The following DNAH9 variants were observed in gnomAD, a reference collection of about 807,000 sequenced individuals.
The protein encoded by DNAH9 is DNAH9 variant protein.
A neutral mutation model predicts 471.6 loss-of-function variants in DNAH9; 345 were observed. That is an observed-to-expected ratio of 0.73 (90% CI 0.67 to 0.80). The LOEUF is 0.80. DNAH9 is among the 30% of genes least tolerant of loss of function. DNAH9 has a pLI of 0.00. For missense variants in DNAH9, 5,407 were observed against 5,609.2 expected, an observed-to-expected ratio of 0.96 and a Z score of 1.15; for synonymous variants, 2,093 against 2,123.6, an observed-to-expected ratio of 0.99 and a Z score of 0.40.
intron 55 of DNAH9, 90 bp from the exon 56 acceptor site, chr17:11,883,496 G>A: frequency 6.7e-7 from 1 of 1,485,540 alleles, no homozygotes; most frequent in Non-Finnish European, 9.1e-7. Flanking sequence ...CTATCTTTAA[G>A]GCAAGGGACT....
At chr17:11,957,804 G>C (rs1239624341) in intron 67 of DNAH9, among the ~76,000 whole-genome samples, 1 of 152,150 alleles carries the variant, frequency 6.6e-6, no homozygotes, top group African/African-American at 2.4e-5. Flanking sequence ...TCAGTATCTT[G>C]GTTGTGATAT....
intron 68 of DNAH9, among the ~76,000 whole-genome samples, chr17:11,964,360 A>T (rs540966201): frequency 2.6e-5 from 4 of 152,218 alleles, no homozygotes; most frequent in Non-Finnish European, 5.9e-5. Context: ...GCTCAGAAGG[A>T]AAGTCAGTGA....
intron 28 of DNAH9, among the ~76,000 whole-genome samples, chr17:11,735,510 A>T (rs2075332421): frequency 6.6e-6 from 1 of 151,924 alleles, no homozygotes; most frequent in African/African-American, 2.4e-5. Context: ...ATCTCGGCTC[A>T]CTGCCACCTC....
At chr17:11,958,004 G>C (rs528429470) in intron 67 of DNAH9, among the ~76,000 whole-genome samples, 1 of 152,242 alleles carries the variant, frequency 6.6e-6, no homozygotes, top group East Asian at 1.9e-4. Context: ...GCCAAAACTT[G>C]GAAGAAACCA....
At chr17:11,721,277 GTT>G (rs2150804771) in intron 27 of DNAH9, among the ~76,000 whole-genome samples, 1 of 152,010 alleles carries the variant, frequency 6.6e-6, no homozygotes, top group African/African-American at 2.4e-5. Flanking sequence ...TTGTTTTTTT[GTT>G]TTGTTTTTTG....
chr17:11,694,626 CTT>C (rs1445927603), intron 22 of DNAH9, among the ~76,000 whole-genome samples, 179 bp downstream of exon 22: 2 of 4,506 alleles, frequency 4.4e-4, no homozygotes, highest in African/African-American at 5.3e-4. Flanking sequence ...TGCTTTCTTG[CTT>C]TCTTGCTTTC....
rs747650923 is a variant in DNAH9 at position 11,701,141 on chromosome 17, A to T, written c.5045A>T (p.His1682Leu). 1 of 1,614,166 alleles carries T rather than the reference A, an allele frequency of 6.2e-7. No homozygotes were observed. The highest frequency in any genetic ancestry group is 8.5e-7 in the Non-Finnish European group (1 of 1,180,000). Residue 1682 changes from histidine to leucine, a missense_variant, in exon 24 of 69, where the codon CAT (histidine) becomes CTT (leucine). Coordinates refer to ENST00000262442, the MANE Select transcript of DNAH9 (RefSeq NM_001372.4). Reference protein sequence around the residue: ...CSGQVEIWLNHVLGHMKATVR... With the variant: ...CSGQVEIWLNLVLGHMKATVR... ...TTTCAGGTAGAAATATGGCTGAACC[A>T]TGTCCTTGGTCACATGAAGGCCACT...
At chr17:11,662,873 A>C (rs2150718270) in intron 14 of DNAH9, among the ~76,000 whole-genome samples, 1 of 145,542 alleles carries the variant, frequency 6.9e-6, no homozygotes, top group South Asian at 2.2e-4. Flanking sequence ...CTCCTGCCTC[A>C]GCCTCCCAAG....
At chr17:11,909,677 C>CTGTGGGAT (rs1973729534) in intron 61 of DNAH9, among the ~76,000 whole-genome samples, 1 of 152,056 alleles carries the variant, frequency 6.6e-6, no homozygotes, top group African/African-American at 2.4e-5. Flanking sequence ...AATGAACATC[C>CTGTGGGAT]CACAGGTACA....
intron 60 of DNAH9, among the ~76,000 whole-genome samples, chr17:11,904,889 C>T (rs1254662592): frequency 1.3e-5 from 2 of 151,906 alleles, no homozygotes; most frequent in Non-Finnish European, 2.9e-5. Flanking sequence ...ACACTTTGGA[C>T]AGGAACACTG....
At chr17:11,766,165 T>C (rs943179389) in intron 36 of DNAH9, among the ~76,000 whole-genome samples, 1 of 151,932 alleles carries the variant, frequency 6.6e-6, no homozygotes, top group Non-Finnish European at 1.5e-5. Context: ...ACACCAAAAA[T>C]AGTGCTGTCA....
intron 6 of DNAH9, among the ~76,000 whole-genome samples, chr17:11,624,709 T>C (rs1223956302): frequency 1.3e-5 from 2 of 152,060 alleles, no homozygotes; most frequent in African/African-American, 4.8e-5. Flanking sequence ...GTTGTGAAGG[T>C]CTGTTTCCCT....
In DNAH9 at chr17:11,598,586, A is replaced by T. The variant is rs1458574832; in HGVS notation, c.88A>T (p.Thr30Ser). 2 of 1,329,456 alleles carry T rather than the reference A, an allele frequency of 1.5e-6. No homozygotes were observed. The highest frequency in any genetic ancestry group is 3.0e-5 in the East Asian group (1 of 32,818). 82.4% of individuals were successfully genotyped at this position (1,329,456 alleles called of 1,614,324 possible). A position where few individuals can be genotyped will look rare whatever the true frequency, so the allele number is the denominator to read the frequency against. ...GADRRLRLLG[T>S]YVAMSLRPAA... is the part of the protein sequence containing the mutation. ...CGACCGACGACTGCGACTCCTGGGG[A>T]CCTACGTGGCCATGAGCCTGCGGCC... The change falls in exon 1 of 69, where the codon ACC becomes TCC. Residue 30 changes from threonine (T) to serine (S), a missense_variant. Thr to Ser is a moderately conservative substitution (Grantham distance 58). Transcript: ENST00000262442.
At chr17:11,830,406 C>T (rs1331450310) in intron 48 of DNAH9, among the ~76,000 whole-genome samples, 1 of 152,234 alleles carries the variant, frequency 6.6e-6, no homozygotes, top group Non-Finnish European at 1.5e-5. Context: ...TCAATCCACA[C>T]ATCTGTCAAT....
intron 11 of DNAH9, among the ~76,000 whole-genome samples, chr17:11,645,965 C>T (rs1285266807): frequency 4.7e-5 from 7 of 150,034 alleles, no homozygotes; most frequent in Non-Finnish European, 7.4e-5. Flanking sequence ...CTGCAAGCTC[C>T]GCCTCCCGGG....
chr17:11,936,651 CAATAA>C (rs530062318), intron 65 of DNAH9, among the ~76,000 whole-genome samples: 7 of 151,888 alleles, frequency 4.6e-5, no homozygotes, highest in African/African-American at 9.7e-5. Flanking sequence ...CACACACACA[CAATAA>C]AATAAAATAA....
intron 49 of DNAH9, among the ~76,000 whole-genome samples, chr17:11,850,576 G>A (rs919767247): frequency 4.0e-5 from 6 of 151,862 alleles, no homozygotes; most frequent in Non-Finnish European, 5.9e-5. Context: ...GCCTGAACCC[G>A]GGAGGTGGAG....
At chr17:11,639,241 G>A (rs1165638663) in intron 9 of DNAH9, among the ~76,000 whole-genome samples, 1 of 152,148 alleles carries the variant, frequency 6.6e-6, no homozygotes, top group Non-Finnish European at 1.5e-5. Context: ...GGACAAGCAG[G>A]AAATGAAAAT....
Position 11,636,708 on chromosome 17 carries a change from C to T in DNAH9, c.1710C>T (p.Leu570=), listed in dbSNP as rs759374376. The change falls in exon 9 of 69, where the codon CTC becomes CTT. Residue 570 remains leucine, a synonymous_variant. Coordinates refer to ENST00000262442, the MANE Select transcript of DNAH9 (RefSeq NM_001372.4). ...ARDTSDKYLV[L]IQMFNKDLDA... is the part of the protein sequence containing the mutation. ...ATACATCTGATAAATACCTGGTCCT[C>T]ATCCAAATGTTCAACAAAGATCTGG... is the stretch of plus-strand genomic sequence containing the variant. 2.2e-5 allele frequency: 36 copies of T among 1,613,606 alleles called. No individual in the cohort carries two copies. Among genetic ancestry groups the T allele is most frequent in the Non-Finnish European group, 3.1e-5 (36 of 1,179,596 alleles).
Sources: gnomAD v4.1 joint callset for allele counts (sites outside exome capture counted in the v4.1 genomes callset) on GRCh38, gnomAD v4.1.1 for gene constraint, MANE v1.5 for transcripts, NCBI Gene and HGNC (gene_info 2026-07-23, HGNC 2026-07-21) for gene names.